Variants in CENPC observed in about 807,000 individuals in gnomAD.
CENPC encodes the protein CENP-C 1.
In CENPC, 63 loss-of-function variants were observed where a neutral mutation model predicts 112.1. The ratio of observed to expected loss-of-function variants is 0.56; its 90% CI spans 0.46 to 0.69. The LOEUF is 0.69. Ranked by LOEUF, CENPC falls within the 30% of genes least tolerant of loss-of-function variation. The pLI is 0.00. For missense variants in CENPC, 1,000 were observed against 1,103.8 expected (o/e 0.91, Z 1.33); for synonymous variants, 333 against 367.6 (o/e 0.91, Z 1.08).
chr4:67,478,629 AACACACACAC>A lies in CENPC; in HGVS notation c.2671-3661_2671-3652del, dbSNP rs200741539. On this transcript the variant is annotated intron_variant, in intron 17 of 18. Coordinates refer to ENST00000273853, the MANE Select transcript of CENPC (RefSeq NM_001812.4). ...AGGATAAATCTCCCAGGGTCTATAAAACACACACACACACACACACACACACACACACACA... is the reference window on the plus strand; with the variant it reads ...AGGATAAATCTCCCAGGGTCTATAAAACACACACACACACACACACACACA... Among the ~76,000 whole-genome samples, 9 of 81,936 alleles carry A rather than the reference AACACACACAC, an allele frequency of 1.1e-4. No individual in the cohort carries two copies. In the South Asian group the frequency reaches 1.1e-3, roughly 10 times the overall value. 53.8% of individuals were successfully genotyped at this position (81,936 alleles called of 152,430 possible).
chr4:67,540,846 C>A, intron 3 of CENPC, 134 bp downstream of exon 3: 2 of 691,498 alleles, frequency 2.9e-6, no homozygotes, highest in South Asian at 3.5e-5. Context: ...CATATGAACT[C>A]AAAATACCAG....
chr4:67,505,141 A>G lies in CENPC; in HGVS notation c.2131+64T>C, dbSNP rs1725698549. 3 of 1,130,918 alleles carry G rather than the reference A, an allele frequency of 2.7e-6. No homozygotes were observed. The African/African-American group carries it at 4.7e-5, about 18-fold the overall frequency. 70.1% of individuals were successfully genotyped at this position (1,130,918 alleles called of 1,614,324 possible). A position where few individuals can be genotyped will look rare whatever the true frequency, so the allele number is the denominator to read the frequency against. The stretch of plus-strand genomic sequence containing the variant: ...ATCAGTGACAATGTAAACAAAACAT[A>G]GCACTCCTTACTCCATATTCATAAT... On this transcript the variant is annotated intron_variant, in intron 12 of 18. Coordinates refer to ENST00000273853, the MANE Select transcript of CENPC (RefSeq NM_001812.4).
chr4:67,531,887 T>A (rs1726561596), intron 4 of CENPC, among the ~76,000 whole-genome samples: 1 of 152,192 alleles, frequency 6.6e-6, no homozygotes, highest in South Asian at 2.1e-4. Context: ...AAGTGAAAAT[T>A]GACAAATGGG....
chr4:67,507,077 C>A, intron 10 of CENPC, 143 bp from the exon 11 acceptor site: 2 of 551,770 alleles, frequency 3.6e-6, no homozygotes, highest in Middle Eastern at 6.1e-4. Context: ...CTGAGACTTG[C>A]AACTAGCTAA....
chr4:67,479,004 G>A (rs558239539), intron 17 of CENPC, among the ~76,000 whole-genome samples: 1 of 152,140 alleles, frequency 6.6e-6, no homozygotes, highest in Non-Finnish European at 1.5e-5. Flanking sequence ...AAATGGACTA[G>A]TCCAACAGGA....
intron 17 of CENPC, among the ~76,000 whole-genome samples, chr4:67,486,974 T>TTTG (rs1163867572): frequency 6.6e-6 from 1 of 150,464 alleles, no homozygotes; most frequent in Admixed American, 6.6e-5. Context: ...TTAGGTTTTT[T>TTTG]TTTTTTTTTT....
At chr4:67,532,153 T>G (rs1726570028) in intron 4 of CENPC, among the ~76,000 whole-genome samples, 1 of 152,148 alleles carries the variant, frequency 6.6e-6, no homozygotes, top group African/African-American at 2.4e-5. Context: ...AAAATGCTCA[T>G]CAGCACTGGC....
chr4:67,503,981 A>G (rs1044162613), intron 12 of CENPC, among the ~76,000 whole-genome samples: 1 of 150,744 alleles, frequency 6.6e-6, no homozygotes, highest in African/African-American at 2.4e-5. Context: ...ATATCAGCTT[A>G]TGGGATTGGA....
chr4:67,528,289 A>T (rs922546210), intron 5 of CENPC, among the ~76,000 whole-genome samples: 5 of 152,196 alleles, frequency 3.3e-5, no homozygotes, highest in African/African-American at 4.8e-5. Context: ...GAGAATGGGG[A>T]GCCAGGAGAC....
At chr4:67,502,590 G>A (rs1452408737) in intron 12 of CENPC, among the ~76,000 whole-genome samples, 5 of 152,094 alleles carry the variant, frequency 3.3e-5, no homozygotes, top group Non-Finnish European at 7.4e-5. Context: ...GAAAATACAA[G>A]GGCAAAGACA....
At chr4:67,538,534 C>G (rs544861345) in intron 4 of CENPC, among the ~76,000 whole-genome samples, 14 of 152,178 alleles carry the variant, frequency 9.2e-5, no homozygotes, top group African/African-American at 3.1e-4. Flanking sequence ...AGATGTGACA[C>G]ACAGGGGAAA....
At chr4:67,491,615 T>C (rs939228133) in intron 16 of CENPC, among the ~76,000 whole-genome samples, 2 of 149,756 alleles carry the variant, frequency 1.3e-5, no homozygotes, top group Non-Finnish European at 3.0e-5. Flanking sequence ...TGCTAGAGAC[T>C]AAATATTTAA....
At chr4:67,477,910 A>G (rs561637611) in intron 17 of CENPC, among the ~76,000 whole-genome samples, 1 of 152,272 alleles carries the variant, frequency 6.6e-6, no homozygotes, top group South Asian at 2.1e-4. Context: ...TGCAAAATAC[A>G]TTAGAAAGTT....
chr4:67,523,300 G>C (rs565471279), intron 5 of CENPC, among the ~76,000 whole-genome samples: 2 of 90,072 alleles, frequency 2.2e-5, no homozygotes, highest in Non-Finnish European at 4.6e-5. Context: ...GAGACAGAGG[G>C]AGACTCTCTC....
intron 13 of CENPC, 133 bp downstream of exon 13, chr4:67,495,026 T>A: frequency 1.1e-6 from 1 of 897,574 alleles, no homozygotes; most frequent in Non-Finnish European, 1.6e-6. Flanking sequence ...ACTAAGTGCA[T>A]AATTTTAATT....
Position 67,514,330 on chromosome 4 carries a change from T to C in CENPC, c.1188A>G (p.Arg396=). ...TGGAATACATTTCATATTTTGTAGA[T>C]CTATAATTATTTACTGTTTCACCTA... ...ALIGETVNNY[R]STKYEMYSKN... The change falls in exon 8 of 19, where the codon AGA becomes AGG. Residue 396 remains arginine (R), a synonymous_variant. Transcript: ENST00000273853. 4 of 1,611,518 alleles carry C rather than the reference T, an allele frequency of 2.5e-6. No individual in the cohort carries two copies. Among genetic ancestry groups the C allele is most frequent in the Middle Eastern group, 1.7e-4 (1 of 6,046 alleles).
At chr4:67,487,972 T>C (rs1377747812) in intron 17 of CENPC, among the ~76,000 whole-genome samples, 1 of 151,548 alleles carries the variant, frequency 6.6e-6, no homozygotes, top group Non-Finnish European at 1.5e-5. Context: ...AAAATACGAG[T>C]CTTATTAAAA....
chr4:67,490,215 G>T, intron 16 of CENPC, 94 bp from the exon 17 acceptor site: 1 of 836,402 alleles, frequency 1.2e-6, no homozygotes, highest in Non-Finnish European at 1.7e-6. Context: ...GTCATTTCTG[G>T]ATATAAATCT....
At chr4:67,540,499 T>G (rs1267965517) in intron 3 of CENPC, among the ~76,000 whole-genome samples, 1 of 152,030 alleles carries the variant, frequency 6.6e-6, no homozygotes, top group Admixed American at 6.6e-5. Flanking sequence ...TGAAACCTGG[T>G]CTCTACTAAA....
Sources: gnomAD v4.1 joint callset for allele counts (sites outside exome capture counted in the v4.1 genomes callset) on GRCh38, gnomAD v4.1.1 for gene constraint, MANE v1.5 for transcripts, NCBI Gene and HGNC (gene_info 2026-07-23, HGNC 2026-07-21) for gene names.